The following TPRKB variants were observed in gnomAD, a reference collection of about 807,000 sequenced individuals.
TPRKB encodes TP53RK binding protein.
TPRKB carries 11 observed loss-of-function variants against 17.8 expected under a neutral mutation model. That is an observed-to-expected ratio of 0.62 (90% CI 0.39 to 1.02). The LOEUF (loss-of-function observed/expected upper bound fraction) is 1.02. TPRKB is among the 50% of genes least tolerant of loss of function. The pLI is 0.00. For synonymous variants in TPRKB, 71 were observed against 69.5 expected (o/e 1.02, Z -0.11); for missense variants, 228 against 198.0 (o/e 1.15, Z -0.91).
At chr2:73,735,465 AC>A (rs1558523038) in intron 1 of TPRKB, among the ~76,000 whole-genome samples, 2 of 152,354 alleles carry the variant, frequency 1.3e-5, no homozygotes, top group Middle Eastern at 3.4e-3. Flanking sequence ...GTGCACATGT[AC>A]CCTAGAACTT....
Position 73,730,019 on chromosome 2 carries a change from A to G in TPRKB, c.452T>C (p.Leu151Pro). ...CCCAATACTTTCTTCTTGTGAAGAG[A>G]GTTTATATATCTGTAAAAATGAAAG... ...NITEVKKIYK[L>P]SSQEESIGTL... The change falls in exon 5 of 5, where the codon CTC becomes CCC. Residue 151 changes from leucine (L) to proline (P), a missense_variant. Transcript: ENST00000272424. 1 of 1,567,330 alleles carries G rather than the reference A, an allele frequency of 6.4e-7. No individual in the cohort carries two copies. The highest frequency in any genetic ancestry group is 8.7e-7 in the Non-Finnish European group (1 of 1,154,778).
chr2:73,730,144 A>T (rs1030878618), intron 4 of TPRKB, 115 bp from the exon 5 acceptor site: 5 of 1,206,956 alleles, frequency 4.1e-6, no homozygotes, highest in Non-Finnish European at 4.5e-6. Context: ...GGTTCATGGT[A>T]TAACAAACAA....
In TPRKB at chr2:73,734,123, A is replaced by T. The variant is rs368864125; in HGVS notation, c.141+306T>A. On this transcript the variant is annotated intron_variant, in intron 2 of 4. Coordinates refer to ENST00000272424, the MANE Select transcript of TPRKB (RefSeq NM_016058.5). ...GCCTGGCCATTTTTTTTTTCCAGAC[A>T]GAGTTTTGCTCGTCGCCCAGGCTGG... Among the ~76,000 whole-genome samples the T allele has an allele frequency of 3.7e-5, 5 of 136,610 alleles. No homozygotes were observed. The East Asian group carries it at 6.5e-4, about 18-fold the overall frequency. The allele number at this position is 136,610 out of a possible 152,430, so 89.6% of individuals were successfully genotyped here.
rs769488312 is a variant in TPRKB, at chr2:73,734,581, G to T, written c.-12C>A. On this transcript the variant is annotated 5_prime_UTR_variant, in exon 2 of 5. Transcript: ENST00000272424. ...TGTGTTAACTGCATTTCACAGATAA[G>T]CAGGATTCTACTGCACACAAAATGA... The T allele has an allele frequency of 6.2e-7, 1 of 1,601,500 alleles. No individual in the cohort carries two copies. Among genetic ancestry groups the T allele is most frequent in the Non-Finnish European group, 8.5e-7 (1 of 1,175,894 alleles).
intron 1 of TPRKB, among the ~76,000 whole-genome samples, chr2:73,736,295 TGAAA>T (rs1367163130): frequency 3.9e-5 from 6 of 152,168 alleles, no homozygotes; most frequent in South Asian, 2.1e-4. Context: ...TTAAAATACA[TGAAA>T]GAAACACTAA....
rs374540032 is a variant in TPRKB, at chr2:73,730,673, T to C, written c.328A>G (p.Ile110Val). 77 of 1,581,710 alleles carry C rather than the reference T, an allele frequency of 4.9e-5. No homozygotes were observed. Among genetic ancestry groups the C allele is most frequent in the Admixed American group, 4.6e-4 (24 of 52,728 alleles). The stretch of plus-strand genomic sequence containing the variant: ...TTTATTTGTTTTTCTCCCTCTTCAA[T>C]GTAAACAATTAGAATTGAAGTGTCA... ...ANDTSILIVY[I>V]EEGEKQINQE... is the part of the protein sequence containing the mutation. The change falls in exon 4 of 5, where the codon ATT becomes GTT. Residue 110 changes from isoleucine to valine, a missense_variant. By Grantham distance (29) the Ile-to-Val change is conservative. Coordinates refer to ENST00000272424, the MANE Select transcript of TPRKB (RefSeq NM_016058.5).
chr2:73,734,521 G>T lies in TPRKB; in HGVS notation c.49C>A (p.Leu17Ile). The change falls in exon 2 of 5, where the codon CTT becomes ATT. Residue 17 changes from leucine (L) to isoleucine (I), a missense_variant. Physicochemically the swap from Leu to Ile is conservative, Grantham distance 5. Coordinates refer to ENST00000272424, the MANE Select transcript of TPRKB (RefSeq NM_016058.5). ...TTTTTTACATCTTTAAATAACAGAA[G>T]GGTTACCCTGCATTCGGGAAATAGG... ...LDLFPECRVT[L>I]LLFKDVKNAG... The T allele has an allele frequency of 6.2e-7, 1 of 1,613,878 alleles. No homozygotes were observed. Among genetic ancestry groups the T allele is most frequent in the Non-Finnish European group, 8.5e-7 (1 of 1,179,940 alleles).
At position 73,729,990 on chromosome 2, in the gene TPRKB, A is replaced by G. The variant is rs763140886; in HGVS notation, c.481T>C (p.Leu161=). Residue 161 remains leucine (L), a synonymous_variant, in exon 5 of 5, where the codon TTA becomes CTA. Transcript: ENST00000272424. ...ATTCTACAAATGATAGCATCCAATA[A>G]TGTCCCAATACTTTCTTCTTGTGAA... The part of the protein sequence containing the change: ...LSSQEESIGT[L]LDAIICRMST... 11 of 1,578,014 alleles carry G rather than the reference A, an allele frequency of 7.0e-6. No homozygotes were observed. The highest frequency in any genetic ancestry group is 1.2e-5 in the South Asian group (1 of 86,862).
chr2:73,730,131 T>C (rs1275554208), intron 4 of TPRKB, 102 bp from the exon 5 acceptor site: 2 of 1,323,964 alleles, frequency 1.5e-6, no homozygotes, highest in South Asian at 1.5e-5. Flanking sequence ...CATTCAATTA[T>C]TGGGTTCATG....
In TPRKB at chr2:73,731,857, A is replaced by AATG. The variant is rs1053943299; in HGVS notation, c.264+303_264+305dup. 1.1e-4 allele frequency: 24 copies of AATG among 220,454 alleles called. 1 individual carries two copies. The highest frequency in any genetic ancestry group is 5.3e-4 in the African/African-American group (23 of 43,778). 13.7% of individuals were successfully genotyped at this position (220,454 alleles called of 1,614,324 possible). A position where few individuals can be genotyped will look rare whatever the true frequency, so the allele number is the denominator to read the frequency against. On this transcript the variant is annotated intron_variant, in intron 3 of 4. Transcript: ENST00000272424. ...GCTAGCACACAAAATATCCACGCCT[A>AATG]ATGTTTTATCATTTAGATTTCTGTC...
At chr2:73,736,018 G>A (rs2103872587) in intron 1 of TPRKB, among the ~76,000 whole-genome samples, 1 of 152,224 alleles carries the variant, frequency 6.6e-6, no homozygotes, top group Non-Finnish European at 1.5e-5. Flanking sequence ...AAAAACATCT[G>A]AATGGAAAAC....
intron 1 of TPRKB, 54 bp from the exon 2 acceptor site, chr2:73,734,645 C>T: frequency 2.1e-6 from 3 of 1,411,398 alleles, no homozygotes; most frequent in Non-Finnish European, 2.9e-6. Context: ...AACATCAGAA[C>T]TCATTTCTTA....
chr2:73,736,699 G>A (rs1179370755), intron 1 of TPRKB, among the ~76,000 whole-genome samples: 1 of 152,142 alleles, frequency 6.6e-6, no homozygotes, highest in Non-Finnish European at 1.5e-5. Context: ...CCTTCTGAGT[G>A]GTTTCTCACA....
At chr2:73,734,686 G>A in intron 1 of TPRKB, 95 bp from the exon 2 acceptor site, 1 of 1,157,898 alleles carries the variant, frequency 8.6e-7, no homozygotes, top group Non-Finnish European at 1.2e-6. Context: ...AAAGTAACTT[G>A]ATAAAAGTGT....
At chr2:73,730,245 A>C (rs1013949851) in intron 4 of TPRKB, 2 of 483,524 alleles carry the variant, frequency 4.1e-6, no homozygotes, top group African/African-American at 2.0e-5. Context: ...CAAGAACATA[A>C]AAACCAAATT....
rs1279879456 is a variant in TPRKB, at chr2:73,730,671, A to C, written c.330T>G (p.Ile110Met). ...ANDTSILIVY[I>M]EEGEKQINQE... is the part of the protein sequence containing the mutation. ...GATTTATTTGTTTTTCTCCCTCTTC[A>C]ATGTAAACAATTAGAATTGAAGTGT... The change falls in exon 4 of 5, where the codon ATT (isoleucine) becomes ATG (methionine). Residue 110 changes from isoleucine (I) to methionine (M), a missense_variant. Coordinates refer to ENST00000272424, the MANE Select transcript of TPRKB (RefSeq NM_016058.5). 1 of 1,581,982 alleles carries C rather than the reference A, an allele frequency of 6.3e-7. No homozygotes were observed. The highest frequency in any genetic ancestry group is 8.6e-7 in the Non-Finnish European group (1 of 1,169,488).
intron 1 of TPRKB, among the ~76,000 whole-genome samples, chr2:73,735,186 G>A (rs1671821922): frequency 6.6e-6 from 1 of 152,058 alleles, no homozygotes; most frequent in African/African-American, 2.4e-5. Context: ...AAAAAAATTA[G>A]CCAGGCATGG....
intron 4 of TPRKB, 147 bp from the exon 5 acceptor site, chr2:73,730,176 A>G (rs1671532518): frequency 3.0e-6 from 3 of 988,952 alleles, no homozygotes; most frequent in East Asian, 6.6e-5. Context: ...AAAATATTCA[A>G]AGTAGAGGGC....
In TPRKB at chr2:73,730,739, A is replaced by G. The variant is rs1157708302; in HGVS notation, c.265-3T>C. 1 of 1,506,526 alleles carries G rather than the reference A, an allele frequency of 6.6e-7. No homozygotes were observed. The highest frequency in any genetic ancestry group is 2.5e-5 in the East Asian group (1 of 39,238). 93.3% of individuals were successfully genotyped at this position (1,506,526 alleles called of 1,614,324 possible). ...AATTTTTTCAAAGCCTCTGAAATCT[A>G]AGAGAAAAAAAATGAAAAAAAAAAC... On this transcript the variant is annotated splice_region_variant and splice_polypyrimidine_tract_variant and intron_variant, in intron 3 of 4. Transcript: ENST00000272424.
Sources: gnomAD v4.1 joint callset for allele counts (sites outside exome capture counted in the v4.1 genomes callset) on GRCh38, gnomAD v4.1.1 for gene constraint, MANE v1.5 for transcripts, NCBI Gene and HGNC (gene_info 2026-07-23, HGNC 2026-07-21) for gene names.